PCBP3: variants seen among roughly 807,000 people sequenced by gnomAD.
The protein encoded by PCBP3 is poly(rC) binding protein 3, also known as poly(rC)-binding protein 3.
PCBP3 carries 25 observed loss-of-function variants against 52.7 expected under a neutral mutation model. The observed-to-expected ratio is 0.47, with a 90% CI of 0.35 to 0.66. The LOEUF is 0.66. PCBP3 is among the 30% of genes least tolerant of loss of function. PCBP3 has a pLI of 0.01. For synonymous variants in PCBP3, 162 were observed against 183.0 expected, an observed-to-expected ratio of 0.89 and a Z score of 0.93; for missense variants, 391 against 490.3, an observed-to-expected ratio of 0.80 and a Z score of 1.91.
intron 4 of PCBP3, among the ~76,000 whole-genome samples, chr21:45,777,401 C>T (rs1172515108): frequency 6.6e-6 from 1 of 152,102 alleles, no homozygotes; most frequent in Non-Finnish European, 1.5e-5. Flanking sequence ...CAGAGAAGAC[C>T]TTTTTGCATT....
At chr21:45,751,841 C>T (rs1056136742) in intron 3 of PCBP3, among the ~76,000 whole-genome samples, 2 of 152,196 alleles carry the variant, frequency 1.3e-5, no homozygotes, top group African/African-American at 4.8e-5. Flanking sequence ...GCCTGAACAG[C>T]GTAGCTCAGC....
chr21:45,851,280 C>G (rs373672479), intron 5 of PCBP3, among the ~76,000 whole-genome samples: 7 of 152,110 alleles, frequency 4.6e-5, no homozygotes, highest in Non-Finnish European at 7.4e-5. Flanking sequence ...TTTGGGAGGC[C>G]GAGGTGGGTA....
chr21:45,721,473 C>T lies in PCBP3; in HGVS notation c.-199-13919C>T, dbSNP rs567209481. Among the ~76,000 whole-genome samples, 9 of 151,296 alleles carry T rather than the reference C, an allele frequency of 5.9e-5. No individual in the cohort carries two copies. In the South Asian group the frequency reaches 1.9e-3, roughly 32 times the overall value. On this transcript the variant is annotated intron_variant, in intron 2 of 17. Coordinates refer to ENST00000681687, the MANE Select transcript of PCBP3 (RefSeq NM_001384156.1). Reference sequence around the variant, plus strand: ...GGCTGACCGTGAGTATTTGAGGAGACCACTTTTGGTGAGAGAATTGGAAAT... The same window carrying T: ...GGCTGACCGTGAGTATTTGAGGAGATCACTTTTGGTGAGAGAATTGGAAAT...
chr21:45,887,902 G>A (rs1052386450), intron 5 of PCBP3, among the ~76,000 whole-genome samples: 8 of 152,188 alleles, frequency 5.3e-5, no homozygotes, highest in Non-Finnish European at 8.8e-5. Flanking sequence ...AGCCCACGGC[G>A]AAGAGAGACG....
At chr21:45,890,034 C>A (rs1446239104) in intron 5 of PCBP3, among the ~76,000 whole-genome samples, 1 of 152,254 alleles carries the variant, frequency 6.6e-6, no homozygotes, top group Non-Finnish European at 1.5e-5. Context: ...GACCTCAGTA[C>A]TTGGCCCATG....
intron 2 of PCBP3, among the ~76,000 whole-genome samples, chr21:45,730,020 T>C (rs2085339525): frequency 6.6e-6 from 1 of 152,066 alleles, no homozygotes; most frequent in South Asian, 2.1e-4. Context: ...CACTTTAGTC[T>C]CCTGAAGCAA....
chr21:45,806,754 C>G (rs1050426442), intron 4 of PCBP3, among the ~76,000 whole-genome samples: 2 of 152,060 alleles, frequency 1.3e-5, no homozygotes, highest in Admixed American at 6.5e-5. Context: ...CGGAACATCT[C>G]TTTGGGGCCA....
intron 13 of PCBP3, among the ~76,000 whole-genome samples, chr21:45,927,442 G>C (rs1436996347): frequency 1.0e-5 from 1 of 97,000 alleles, no homozygotes; most frequent in African/African-American, 3.9e-5. Context: ...TTTTTCAACA[G>C]GGCAGAATTT....
At chr21:45,797,710 AGAGTGAATG>A (rs2092027080) in intron 4 of PCBP3, among the ~76,000 whole-genome samples, 1 of 89,014 alleles carries the variant, frequency 1.1e-5, no homozygotes, top group Non-Finnish European at 2.4e-5. Flanking sequence ...GGATCCACAG[AGAGTGAATG>A]CATGGATGGA....
chr21:45,685,170 T>C (rs2082079293), intron 2 of PCBP3, among the ~76,000 whole-genome samples: 1 of 152,206 alleles, frequency 6.6e-6, no homozygotes. Context: ...ATGATTCCAC[T>C]TAAGTGAGAT....
chr21:45,677,166 C>A (rs574323518), intron 2 of PCBP3, among the ~76,000 whole-genome samples: 2 of 152,250 alleles, frequency 1.3e-5, no homozygotes, highest in East Asian at 1.9e-4. Flanking sequence ...TGCCAAACAA[C>A]CAGGTTATGA....
intron 1 of PCBP3, among the ~76,000 whole-genome samples, chr21:45,653,524 T>G (rs1250825862): frequency 6.6e-6 from 1 of 152,170 alleles, no homozygotes; most frequent in Non-Finnish European, 1.5e-5. Flanking sequence ...ATATGGTATG[T>G]CTGATGTTAA....
chr21:45,865,443 G>A (rs1041980964), intron 5 of PCBP3, among the ~76,000 whole-genome samples: 23 of 152,326 alleles, frequency 1.5e-4, no homozygotes, highest in East Asian at 7.7e-4. Flanking sequence ...GGAAGATATC[G>A]CTGTTCCTGC....
rs182423006 is a variant in PCBP3, at chr21:45,939,773, G to A, written c.910-257G>A. ...TCTTGGCTGGGTGGGCCTCCTACAG[G>A]AGTGGGTAGCAGGGCGGGTCTGAGA... On this transcript the variant is annotated intron_variant, in intron 16 of 17. Coordinates refer to ENST00000681687, the MANE Select transcript of PCBP3 (RefSeq NM_001384156.1). Among the ~76,000 whole-genome samples, 286 of 152,330 alleles carry A rather than the reference G, an allele frequency of 1.9e-3. 3 individuals are homozygous for A. Among genetic ancestry groups the A allele is most frequent in the African/African-American group, 6.3e-3 (261 of 41,588 alleles).
intron 12 of PCBP3, 169 bp downstream of exon 12, chr21:45,914,194 G>T: frequency 8.6e-7 from 1 of 1,159,264 alleles, no homozygotes; most frequent in East Asian, 2.8e-5. Flanking sequence ...GCGGACGCAG[G>T]GGGCCTTCAG....
At chr21:45,760,453 G>A (rs1345416487) in intron 4 of PCBP3, 1 of 152,218 alleles carries the variant, frequency 6.6e-6, no homozygotes, top group Non-Finnish European at 1.5e-5. Context: ...TGAGTAAATT[G>A]AACAGGCTTG....
chr21:45,926,434 A>G (rs1569504272), intron 13 of PCBP3, among the ~76,000 whole-genome samples: 1 of 152,234 alleles, frequency 6.6e-6, no homozygotes, highest in Non-Finnish European at 1.5e-5. Flanking sequence ...TTAGCTGTAA[A>G]ACAGCCTCAG....
intron 1 of PCBP3, among the ~76,000 whole-genome samples, chr21:45,646,799 T>A (rs904589909): frequency 1.3e-5 from 2 of 152,254 alleles, no homozygotes; most frequent in Admixed American, 1.3e-4. Flanking sequence ...TATATCTATG[T>A]AGGGGCAACT....
intron 5 of PCBP3, among the ~76,000 whole-genome samples, chr21:45,859,264 C>A (rs376518924): frequency 1.9e-5 from 2 of 104,682 alleles, no homozygotes; most frequent in East Asian, 3.5e-4. Context: ...CAGGAGGGGC[C>A]GTGCTGCAGA....
Sources: gnomAD v4.1 joint callset for allele counts (sites outside exome capture counted in the v4.1 genomes callset) on GRCh38, gnomAD v4.1.1 for gene constraint, MANE v1.5 for transcripts, NCBI Gene and HGNC (gene_info 2026-07-23, HGNC 2026-07-21) for gene names.